The following ARHGAP24 variants were observed in gnomAD, a reference collection of about 807,000 sequenced individuals.
The protein encoded by ARHGAP24 is Rho GTPase activating protein 24, also known as rho GTPase-activating protein 24.
ARHGAP24 carries 50 observed loss-of-function variants against 76.4 expected under a neutral mutation model. The ratio of observed to expected loss-of-function variants is 0.65; its 90% CI spans 0.52 to 0.83. ARHGAP24 has a LOEUF of 0.83. ARHGAP24 is among the 40% of genes least tolerant of loss of function. ARHGAP24 has a pLI of 0.00. For synonymous variants in ARHGAP24, 345 were observed against 323.3 expected (o/e 1.07, Z -0.72); for missense variants, 930 against 914.2 (o/e 1.02, Z -0.22).
intron 3 of ARHGAP24, among the ~76,000 whole-genome samples, chr4:85,835,431 G>A (rs1327674097): frequency 2.0e-5 from 3 of 151,240 alleles, no homozygotes; most frequent in Non-Finnish European, 4.4e-5. Flanking sequence ...GTGGTGGCGG[G>A]CGTCTGTAGT....
chr4:85,764,533 G>C (rs1002177396), intron 3 of ARHGAP24, among the ~76,000 whole-genome samples: 10 of 152,088 alleles, frequency 6.6e-5, no homozygotes, highest in Non-Finnish European at 1.2e-4. Flanking sequence ...CACTGAGCTT[G>C]GTATTGATTG....
At position 85,520,135 on chromosome 4, in the gene ARHGAP24, A is replaced by G. The variant is rs1169881179; in HGVS notation, c.-21+44576A>G. Among the ~76,000 whole-genome samples the G allele has an allele frequency of 2.0e-5, 3 of 152,194 alleles. 1 individual carries two copies. Among genetic ancestry groups the G allele is most frequent in the African/African-American group, 7.2e-5 (3 of 41,462 alleles). ...TCTCATCATAAACCAGCTATACAAG[A>G]CAAATAGTGTGTATAAAAGAGGTTT... On this transcript the variant is annotated intron_variant, in intron 1 of 9. Transcript: ENST00000395184.
Position 85,755,646 on chromosome 4 carries a change from G to GTTTTTT in ARHGAP24, c.268+33678_268+33679insTTTTTT, listed in dbSNP as rs199784047. 1.7e-5 allele frequency among the ~76,000 whole-genome samples: 2 copies of GTTTTTT among 121,038 alleles called. 1 individual carries two copies. The highest frequency in any genetic ancestry group is 3.4e-5 in the Non-Finnish European group (2 of 58,384). 79.4% of individuals were successfully genotyped at this position (121,038 alleles called of 152,430 possible). A position where few individuals can be genotyped will look rare whatever the true frequency, so the allele number is the denominator to read the frequency against. ...CTTTTGTTTTGTTTTGTTTTGTTTTGTTTTGAGACGGAGTCTCGTTCTGTT... is the reference window on the plus strand; with the variant it reads ...CTTTTGTTTTGTTTTGTTTTGTTTTGTTTTTTTTTTGAGACGGAGTCTCGTTCTGTT... On this transcript the variant is annotated intron_variant, in intron 3 of 9. Coordinates refer to ENST00000395184, the MANE Select transcript of ARHGAP24 (RefSeq NM_001025616.3).
intron 3 of ARHGAP24, among the ~76,000 whole-genome samples, chr4:85,912,589 G>A (rs530911228): frequency 6.6e-6 from 1 of 151,912 alleles, no homozygotes; most frequent in Non-Finnish European, 1.5e-5. Flanking sequence ...CACTTCTTTT[G>A]TGTATACCCA....
intron 3 of ARHGAP24, among the ~76,000 whole-genome samples, chr4:85,859,785 G>A (rs1731786262): frequency 6.6e-6 from 1 of 152,068 alleles, no homozygotes; most frequent in Admixed American, 6.6e-5. Context: ...CTACTAATGA[G>A]ACAGCCTTTG....
intron 1 of ARHGAP24, among the ~76,000 whole-genome samples, chr4:85,488,372 AG>A (rs575639214): frequency 2.4e-3 from 363 of 152,302 alleles, no homozygotes; most frequent in African/African-American, 8.3e-3. Flanking sequence ...ATAAATAAAA[AG>A]TCTTTTAATC....
intron 1 of ARHGAP24, among the ~76,000 whole-genome samples, chr4:85,478,967 G>A (rs919641880): frequency 3.3e-5 from 5 of 152,136 alleles, no homozygotes; most frequent in African/African-American, 9.7e-5. Flanking sequence ...GGGTAGATTG[G>A]TGGTGGGGGA....
Position 85,996,782 on chromosome 4 carries a change from T to C in ARHGAP24, c.2003+1125T>C, listed in dbSNP as rs74600156. On this transcript the variant is annotated intron_variant, in intron 9 of 9. Transcript: ENST00000395184. ...AAAAGGTTACTCTTCTTTCTGAATGTAGTTTTTGGAACCACTATGTATTGG... is the reference window on the plus strand; with the variant it reads ...AAAAGGTTACTCTTCTTTCTGAATGCAGTTTTTGGAACCACTATGTATTGG... Among the ~76,000 whole-genome samples the C allele has an allele frequency of 4.5e-3, 681 of 152,302 alleles. 8 individuals carry two copies. Among genetic ancestry groups the C allele is most frequent in the East Asian group, 0.031 (160 of 5,180 alleles).
At chr4:85,610,450 A>C (rs6826466) in intron 2 of ARHGAP24, among the ~76,000 whole-genome samples, 3 of 54,582 alleles carry the variant, frequency 5.5e-5, no homozygotes, top group African/African-American at 1.8e-4. Context: ...GACTCCATCT[A>C]CAAAAAAAAA....
intron 3 of ARHGAP24, among the ~76,000 whole-genome samples, chr4:85,767,360 T>C (rs1294096434): frequency 6.6e-6 from 1 of 152,242 alleles, no homozygotes. Context: ...TAGTTGGTTA[T>C]GTATGTATTA....
chr4:85,974,761 G>A (rs946945660), intron 6 of ARHGAP24, 127 bp from the exon 7 acceptor site: 17 of 776,500 alleles, frequency 2.2e-5, no homozygotes, highest in Admixed American at 4.7e-5. Flanking sequence ...GTAAGTTTTC[G>A]GGACAAGATC....
rs538482130 is a variant in ARHGAP24, at chr4:85,853,556, G to A, written c.269-70092G>A. 2.0e-4 allele frequency among the ~76,000 whole-genome samples: 31 copies of A among 152,280 alleles called. No homozygotes were observed. In the South Asian group the frequency reaches 3.7e-3, roughly 18 times the overall value. ...AATGCAGAAATCACCCATCTTCTGC[G>A]TCTGTCACGCTGGGAGCTGCAGACT... On this transcript the variant is annotated intron_variant, in intron 3 of 9. Transcript: ENST00000395184.
intron 3 of ARHGAP24, among the ~76,000 whole-genome samples, chr4:85,921,992 G>T (rs1385141735): frequency 6.6e-6 from 1 of 152,170 alleles, no homozygotes; most frequent in East Asian, 1.9e-4. Context: ...GATCACTGAT[G>T]ATCAACCTAG....
chr4:85,726,243 G>T (rs1560603610), intron 3 of ARHGAP24, among the ~76,000 whole-genome samples: 1 of 151,944 alleles, frequency 6.6e-6, no homozygotes, highest in Non-Finnish European at 1.5e-5. Flanking sequence ...GGGGGGTGGG[G>T]GGTGGACCTT....
intron 2 of ARHGAP24, among the ~76,000 whole-genome samples, chr4:85,700,132 C>T (rs1360698811): frequency 6.6e-6 from 1 of 152,120 alleles, no homozygotes; most frequent in Non-Finnish European, 1.5e-5. Context: ...TGGTGCCTCA[C>T]ACCTGTAATC....
intron 3 of ARHGAP24, among the ~76,000 whole-genome samples, chr4:85,915,321 A>G (rs1377360020): frequency 1.3e-5 from 2 of 152,244 alleles, no homozygotes; most frequent in Non-Finnish European, 2.9e-5. Flanking sequence ...TAAAAGTTTC[A>G]TAAATCACTG....
chr4:85,501,207 T>C (rs921887541), intron 1 of ARHGAP24, among the ~76,000 whole-genome samples: 2 of 152,178 alleles, frequency 1.3e-5, no homozygotes, highest in South Asian at 2.1e-4. Flanking sequence ...GTCTTTATAG[T>C]AGCATGATTT....
At chr4:85,803,187 AAT>A (rs1406795840) in intron 3 of ARHGAP24, among the ~76,000 whole-genome samples, 1 of 152,218 alleles carries the variant, frequency 6.6e-6, no homozygotes, top group Non-Finnish European at 1.5e-5. Context: ...TGAACTTCAG[AAT>A]ACCAAAATAT....
At chr4:85,811,796 A>G (rs1729023292) in intron 3 of ARHGAP24, among the ~76,000 whole-genome samples, 1 of 152,256 alleles carries the variant, frequency 6.6e-6, no homozygotes, top group South Asian at 2.1e-4. Context: ...TTTTTTAAAC[A>G]AAGTCATATT....
Sources: allele counts gnomAD v4.1 joint callset (sites outside exome capture counted in the v4.1 genomes callset), GRCh38; gene constraint gnomAD v4.1.1; transcripts MANE v1.5; gene names NCBI Gene and HGNC (gene_info 2026-07-23, HGNC 2026-07-21).